OSBPL9: variants seen among roughly 807,000 people sequenced by gnomAD.
OSBPL9 encodes oxysterol-binding protein-related protein 9.
In OSBPL9, 40 loss-of-function variants were observed where a neutral mutation model predicts 106.6. The observed-to-expected ratio is 0.38, with a 90% CI of 0.29 to 0.49. OSBPL9 has a LOEUF of 0.49. Ranked by LOEUF, OSBPL9 falls within the 20% of genes least tolerant of loss-of-function variation. The pLI, the probability that OSBPL9 is intolerant of heterozygous loss-of-function variation, is 0.97. For synonymous variants in OSBPL9, 269 were observed against 295.4 expected, an observed-to-expected ratio of 0.91 and a Z score of 0.92; for missense variants, 609 against 887.2, an observed-to-expected ratio of 0.69 and a Z score of 3.98.
At chr1:51,688,869 C>G (rs1415099884) in intron 3 of OSBPL9, among the ~76,000 whole-genome samples, 4 of 152,008 alleles carry the variant, frequency 2.6e-5, no homozygotes, top group African/African-American at 9.7e-5. Context: ...ACTATATGCT[C>G]TCTGAAAGAA....
intron 3 of OSBPL9, among the ~76,000 whole-genome samples, chr1:51,680,311 T>C (rs1652247212): frequency 6.6e-6 from 1 of 152,022 alleles, no homozygotes; most frequent in South Asian, 2.1e-4. Context: ...TTTTCAGTTC[T>C]AAGTATTATG....
intron 2 of OSBPL9, among the ~76,000 whole-genome samples, chr1:51,606,410 A>G (rs1444353603): frequency 1.3e-5 from 2 of 152,196 alleles, no homozygotes; most frequent in Non-Finnish European, 2.9e-5. Context: ...ACTTGCTTGG[A>G]AAAATGTAGT....
At chr1:51,616,916 G>A (rs762239337), upstream of OSBPL9, 421 of 932,466 alleles carry the variant, frequency 4.5e-4, 1 homozygote, top group Non-Finnish European at 6.0e-4. Context: ...TTGCATTCTC[G>A]CATCCGTGGC....
chr1:51,595,961 ATATC>A (rs1645297146), intron 1 of OSBPL9, among the ~76,000 whole-genome samples: 1 of 152,048 alleles, frequency 6.6e-6, no homozygotes. Context: ...CATCTATTCA[ATATC>A]TATTTATCAG....
At chr1:51,684,883 T>A (rs941238519) in intron 3 of OSBPL9, among the ~76,000 whole-genome samples, 10 of 151,268 alleles carry the variant, frequency 6.6e-5, no homozygotes, top group Non-Finnish European at 1.3e-4. Flanking sequence ...CAAAATATAT[T>A]CAAATAGTTG....
At chr1:51,742,271 AT>A (rs1468935015) in intron 4 of OSBPL9, among the ~76,000 whole-genome samples, 2 of 152,184 alleles carry the variant, frequency 1.3e-5, no homozygotes, top group Non-Finnish European at 2.9e-5. Context: ...GAATACTAGA[AT>A]GTGTATCTAC....
chr1:51,624,359 A>G (rs111961086), intron 1 of OSBPL9, among the ~76,000 whole-genome samples: 7,597 of 152,014 alleles, frequency 0.05, 429 homozygotes, highest in African/African-American at 0.14. Context: ...GAGTCGAGGC[A>G]GGTGGGTCAC....
intron 4 of OSBPL9, among the ~76,000 whole-genome samples, chr1:51,721,317 T>A (rs1207296450): frequency 6.6e-6 from 1 of 152,038 alleles, no homozygotes; most frequent in African/African-American, 2.4e-5. Flanking sequence ...AAAACATCAT[T>A]ATATGAAAAG....
At chr1:51,749,425 G>C (rs755507985) in intron 7 of OSBPL9, 36 of 285,490 alleles carry the variant, frequency 1.3e-4, no homozygotes, top group Middle Eastern at 1.4e-3. Context: ...CAATCCTCCT[G>C]CTTCAGCCAT....
At chr1:51,623,284 A>G (rs1009043309) in intron 1 of OSBPL9, among the ~76,000 whole-genome samples, 1 of 152,184 alleles carries the variant, frequency 6.6e-6, no homozygotes, top group Non-Finnish European at 1.5e-5. Context: ...TGTGGAATGG[A>G]GGGGAACAGT....
At chr1:51,644,419 C>G (rs369804311) in intron 1 of OSBPL9, among the ~76,000 whole-genome samples, 1 of 152,022 alleles carries the variant, frequency 6.6e-6, no homozygotes, top group Non-Finnish European at 1.5e-5. Context: ...CTCTGTCTCC[C>G]AGGTTCAAGC....
chr1:51,748,243 A>C, intron 6 of OSBPL9, 126 bp from the exon 7 acceptor site: 1 of 1,119,106 alleles, frequency 8.9e-7, no homozygotes, highest in Non-Finnish European at 1.2e-6. Flanking sequence ...CTCCCTTCCC[A>C]ACTTGCTTGT....
chr1:51,587,838 C>T (rs1645253944), intron 1 of OSBPL9, among the ~76,000 whole-genome samples: 1 of 152,212 alleles, frequency 6.6e-6, no homozygotes, highest in African/African-American at 2.4e-5. Context: ...TCCCCTCTAC[C>T]CTTCAACCTA....
intron 3 of OSBPL9, among the ~76,000 whole-genome samples, chr1:51,672,136 A>T (rs1006216921): frequency 1.3e-4 from 20 of 152,160 alleles, no homozygotes; most frequent in African/African-American, 4.8e-4. Flanking sequence ...CAGAGGAGTG[A>T]CATGGTGTGA....
chr1:51,571,358 T>G, the OSBPL9 span, among the ~76,000 whole-genome samples: 1 of 152,016 alleles, frequency 6.6e-6, no homozygotes, highest in Non-Finnish European at 1.5e-5. Flanking sequence ...ATGTTAGGAG[T>G]TGTCTACATT....
chr1:51,738,635 A>G (rs1666222786), intron 4 of OSBPL9, among the ~76,000 whole-genome samples: 1 of 151,728 alleles, frequency 6.6e-6, no homozygotes. Context: ...TTTGTCTGTT[A>G]TTCATTTCTT....
intron 4 of OSBPL9, among the ~76,000 whole-genome samples, chr1:51,727,835 C>G (rs1663406687): frequency 6.6e-6 from 1 of 152,084 alleles, no homozygotes; most frequent in African/African-American, 2.4e-5. Flanking sequence ...GAGACTTTGT[C>G]TCTAAAAAAA....
At position 51,718,688 on chromosome 1, in the gene OSBPL9, C is replaced by T. The variant is rs72898072; in HGVS notation, c.318+4609C>T. The stretch of plus-strand genomic sequence containing the variant: ...TCTGACTTTAACTGGGTATCTGTTA[C>T]GATTTAGTAGTCATCTTACTGACTT... On this transcript the variant is annotated intron_variant, in intron 4 of 23. Transcript: ENST00000428468. Among the ~76,000 whole-genome samples the T allele has an allele frequency of 7.2e-3, 1,099 of 152,190 alleles. 9 individuals are homozygous for T. The highest frequency in any genetic ancestry group is 0.025 in the African/African-American group (1,050 of 41,532).
chr1:51,664,293 C>A lies in OSBPL9; in HGVS notation c.163-5141C>A, dbSNP rs149109448. On this transcript the variant is annotated intron_variant, in intron 2 of 23. Transcript: ENST00000428468. ...TGATATATATAGCAATAAAAGTGAA[C>A]AAACTACTGCTTCATGCAACAATAT... Among the ~76,000 whole-genome samples, 23 of 152,158 alleles carry A rather than the reference C, an allele frequency of 1.5e-4. No homozygotes were observed. The East Asian group carries it at 4.4e-3, about 29-fold the overall frequency.
Sources: gnomAD v4.1 joint callset for allele counts (sites outside exome capture counted in the v4.1 genomes callset) on GRCh38, gnomAD v4.1.1 for gene constraint, MANE v1.5 for transcripts, NCBI Gene and HGNC (gene_info 2026-07-23, HGNC 2026-07-21) for gene names.